The following SVIL variants were observed in gnomAD, a reference collection of about 807,000 sequenced individuals.
SVIL encodes the protein supervillin, also known as archvillin.
A neutral mutation model predicts 240.4 loss-of-function variants in SVIL; 101 were observed. The ratio of observed to expected loss-of-function variants is 0.42; its 90% CI spans 0.36 to 0.50. The LOEUF (loss-of-function observed/expected upper bound fraction) is 0.50. SVIL is among the 20% of genes least tolerant of loss of function. The pLI, the probability that SVIL is intolerant of heterozygous loss-of-function variation, is 0.01. For missense variants in SVIL, 2,512 were observed against 2,818.7 expected (o/e 0.89, Z 2.46); for synonymous variants, 999 against 1,100.0 (o/e 0.91, Z 1.82).
At chr10:29,702,445 C>T (rs534391188) in intron 1 of SVIL, among the ~76,000 whole-genome samples, 2 of 152,272 alleles carry the variant, frequency 1.3e-5, no homozygotes, top group South Asian at 4.1e-4. Flanking sequence ...ACTGCATGGA[C>T]CCACAGAGCA....
rs373661480 is a variant in SVIL at position 29,496,712 on chromosome 10, A to G, written c.3665-1531T>C. Among the ~76,000 whole-genome samples, 13 of 152,358 alleles carry G rather than the reference A, an allele frequency of 8.5e-5. No homozygotes were observed. In the East Asian group the frequency reaches 2.1e-3, roughly 25 times the overall value. ...TCTCCCCCATAGCTCTTTTCAATGA[A>G]TTCTAGGTACAACAACCAGTCACCT... On this transcript the variant is annotated intron_variant, in intron 18 of 37. Coordinates refer to ENST00000355867, the MANE Select transcript of SVIL (RefSeq NM_021738.3).
rs533898393 is a variant in SVIL at position 29,679,353 on chromosome 10, C to T, written c.-301+7200G>A. The stretch of plus-strand genomic sequence containing the variant: ...CATATATTTGTGAGAAGAGAAGGTG[C>T]AGGTAATGAAGCCAGTGAAGCCACA... On this transcript the variant is annotated intron_variant, in intron 2 of 35. Coordinates refer to the SVIL transcript ENST00000375400. Among the ~76,000 whole-genome samples the T allele has an allele frequency of 4.0e-4, 61 of 152,250 alleles. No homozygotes were observed. The South Asian group carries it at 0.012, about 30-fold the overall frequency.
At chr10:29,597,332 G>C (rs1444514260) in intron 1 of SVIL, among the ~76,000 whole-genome samples, 2 of 152,182 alleles carry the variant, frequency 1.3e-5, no homozygotes, top group African/African-American at 4.8e-5. Flanking sequence ...AAAGTCCCAG[G>C]ATCAAGGGTA....
chr10:29,538,052 G>A (rs1255549114), intron 6 of SVIL, among the ~76,000 whole-genome samples: 2 of 152,226 alleles, frequency 1.3e-5, no homozygotes, highest in Non-Finnish European at 2.9e-5. Flanking sequence ...AGTCCAGTGT[G>A]CAGAGGGCAA....
intron 16 of SVIL, among the ~76,000 whole-genome samples, chr10:29,515,717 G>A (rs1486033550): frequency 6.6e-6 from 1 of 152,122 alleles, no homozygotes; most frequent in Non-Finnish European, 1.5e-5. Context: ...TTCCTGAGTT[G>A]AGTTCATTAA....
chr10:29,618,030 G>A (rs1375621731), intron 1 of SVIL, among the ~76,000 whole-genome samples: 1 of 152,170 alleles, frequency 6.6e-6, no homozygotes, highest in Non-Finnish European at 1.5e-5. Context: ...GTGATGGGAC[G>A]TGCACAGAGA....
chr10:29,698,810 C>G (rs1395775910), intron 1 of SVIL, among the ~76,000 whole-genome samples: 1 of 151,716 alleles, frequency 6.6e-6, no homozygotes, highest in Non-Finnish European at 1.5e-5. Flanking sequence ...GAAGCAGATG[C>G]ATACAAACAA....
intron 1 of SVIL, among the ~76,000 whole-genome samples, chr10:29,573,054 CT>C (rs1955520946): frequency 6.6e-6 from 1 of 151,192 alleles, no homozygotes; most frequent in South Asian, 2.1e-4. Context: ...TCCTTTTCTC[CT>C]TTTTTTTCAA....
At chr10:29,546,951 T>A (rs1168464508) in intron 6 of SVIL, among the ~76,000 whole-genome samples, 1 of 152,208 alleles carries the variant, frequency 6.6e-6, no homozygotes, top group Non-Finnish European at 1.5e-5. Flanking sequence ...TAAACATTAT[T>A]CATGGGTACT....
At position 29,634,528 on chromosome 10, in the gene SVIL, C is replaced by G. The variant is rs1384286981; in HGVS notation, c.-309G>C. On this transcript the variant is annotated 5_prime_UTR_variant, in exon 1 of 38. Coordinates refer to ENST00000355867, the MANE Select transcript of SVIL (RefSeq NM_021738.3). ...AAAACAAAACAAAACACGTTATACCCTCGAATCCAGCTTTTGATGTCTTCG... is the reference window on the plus strand; with the variant it reads ...AAAACAAAACAAAACACGTTATACCGTCGAATCCAGCTTTTGATGTCTTCG... The G allele has an allele frequency of 6.6e-6, 1 of 152,158 alleles. No individual in the cohort carries two copies. Among genetic ancestry groups the G allele is most frequent in the Non-Finnish European group, 1.5e-5 (1 of 68,026 alleles). The allele number at this position is 152,158 out of a possible 1,614,324, so 9.4% of individuals were successfully genotyped here.
chr10:29,606,158 G>A lies in SVIL; in HGVS notation c.-201+28262C>T, dbSNP rs1483011914. ...ACTCCTGAACTCAAGTGATCCACCT[G>A]CCTTGGCCCCTAAGTGCTGGGATTA... On this transcript the variant is annotated intron_variant, in intron 1 of 37. Coordinates refer to ENST00000355867, the MANE Select transcript of SVIL (RefSeq NM_021738.3). 3.9e-5 allele frequency among the ~76,000 whole-genome samples: 6 copies of A among 152,110 alleles called. 1 individual carries two copies. Among genetic ancestry groups the A allele is most frequent in the South Asian group, 2.1e-4 (1 of 4,824 alleles).
intron 1 of SVIL, among the ~76,000 whole-genome samples, chr10:29,631,591 A>G (rs1363106894): frequency 3.9e-5 from 6 of 152,008 alleles, no homozygotes; most frequent in Admixed American, 3.3e-4. Context: ...CCTGACCAAC[A>G]TGGTGAAACC....
chr10:29,671,116 A>G (rs1959740490), intron 2 of SVIL: 1 of 152,154 alleles, frequency 6.6e-6, no homozygotes, highest in Non-Finnish European at 1.5e-5. Flanking sequence ...TGGAGAGAAA[A>G]TGTTTCAATC....
chr10:29,580,271 C>T (rs1334877508), intron 1 of SVIL, among the ~76,000 whole-genome samples: 1 of 152,060 alleles, frequency 6.6e-6, no homozygotes, highest in Non-Finnish European at 1.5e-5. Context: ...GCGTTTGAAC[C>T]CTGGAGGCCA....
At chr10:29,685,114 C>G (rs1960962143) in intron 2 of SVIL, among the ~76,000 whole-genome samples, 1 of 152,160 alleles carries the variant, frequency 6.6e-6, no homozygotes, top group South Asian at 2.1e-4. Flanking sequence ...TTGTTCCCCT[C>G]CTAGTATCCA....
intron 1 of SVIL, among the ~76,000 whole-genome samples, chr10:29,604,661 C>T (rs1207742402): frequency 6.6e-6 from 1 of 151,984 alleles, no homozygotes; most frequent in African/African-American, 2.4e-5. Context: ...ATCTCCTGCT[C>T]TCAAGTGATC....
At chr10:29,501,139 A>T (rs1236917018) in intron 17 of SVIL, among the ~76,000 whole-genome samples, 1 of 151,072 alleles carries the variant, frequency 6.6e-6, no homozygotes, top group Non-Finnish European at 1.5e-5. Flanking sequence ...TAGGTTAAAA[A>T]CCTTTTCCTA....
chr10:29,502,631 G>A (rs1948984953), intron 17 of SVIL, among the ~76,000 whole-genome samples: 1 of 152,122 alleles, frequency 6.6e-6, no homozygotes, highest in Non-Finnish European at 1.5e-5. Context: ...CAGAAAAAGA[G>A]GGTGGAAGAG....
chr10:29,577,609 T>C (rs1228514686), intron 1 of SVIL, among the ~76,000 whole-genome samples: 1 of 152,222 alleles, frequency 6.6e-6, no homozygotes, highest in African/African-American at 2.4e-5. Flanking sequence ...GTTGGTTCCA[T>C]GTCTTTGCAA....
Sources: allele counts gnomAD v4.1 joint callset (sites outside exome capture counted in the v4.1 genomes callset), GRCh38; gene constraint gnomAD v4.1.1; transcripts MANE v1.5; gene names NCBI Gene and HGNC (gene_info 2026-07-23, HGNC 2026-07-21).